The following GABRB2 variants were observed in gnomAD, a reference collection of about 807,000 sequenced individuals.
GABRB2 encodes the protein gamma-aminobutyric acid type A receptor subunit beta2.
Under a neutral mutation model 54.7 loss-of-function variants are expected in GABRB2, and 16 were observed. The observed-to-expected ratio is 0.29, with a 90% CI of 0.20 to 0.44. The LOEUF (loss-of-function observed/expected upper bound fraction) is 0.44, where lower values mean the gene tolerates loss of function less well. Ranked by LOEUF, GABRB2 falls within the 20% of genes least tolerant of loss-of-function variation. GABRB2 has a pLI of 1.00. For synonymous variants in GABRB2, 244 were observed against 233.8 expected (o/e 1.04, Z -0.40); for missense variants, 355 against 644.0 (o/e 0.55, Z 4.86).
rs116107763 is a variant in GABRB2 at position 161,431,979 on chromosome 5, G to C, written c.459-20922C>G. Among the ~76,000 whole-genome samples the C allele has an allele frequency of 5.9e-3, 904 of 152,302 alleles. 10 individuals are homozygous for C. The highest frequency in any genetic ancestry group is 0.02 in the African/African-American group (852 of 41,564). Reference sequence around the variant, plus strand: ...GGCCATGTGCAACAAGTTATATAGAGCAGAGTTATACACAGAATAGTTATA... The same window carrying C: ...GGCCATGTGCAACAAGTTATATAGACCAGAGTTATACACAGAATAGTTATA... On this transcript the variant is annotated intron_variant, in intron 4 of 9. Coordinates refer to ENST00000393959, the MANE Select transcript of GABRB2 (RefSeq NM_001371727.1).
At chr5:161,296,991 T>C (rs253041) in intron 9 of GABRB2, among the ~76,000 whole-genome samples, 14,462 of 152,242 alleles carry the variant, frequency 0.095, 917 homozygotes, top group Non-Finnish European at 0.14. Context: ...TGACATGCCA[T>C]AGATGAAGTT....
At chr5:161,506,962 G>A (rs71611092) in intron 3 of GABRB2, among the ~76,000 whole-genome samples, 2,414 of 152,218 alleles carry the variant, frequency 0.016, 29 homozygotes, top group East Asian at 0.024. Flanking sequence ...ACAGGAGAAC[G>A]TCTCCAGAAC....
intron 3 of GABRB2, among the ~76,000 whole-genome samples, chr5:161,506,531 G>A (rs1013964205): frequency 2.6e-5 from 4 of 152,086 alleles, no homozygotes; most frequent in African/African-American, 4.8e-5. Flanking sequence ...TGTTGTTTTT[G>A]TAAATTACAT....
chr5:161,369,863 A>T (rs1241695892), intron 5 of GABRB2, among the ~76,000 whole-genome samples: 1 of 152,142 alleles, frequency 6.6e-6, no homozygotes, highest in African/African-American at 2.4e-5. Context: ...TGTGCATCTA[A>T]CTTGTGAAGG....
At chr5:161,457,759 A>C (rs1341141375) in intron 4 of GABRB2, among the ~76,000 whole-genome samples, 1 of 151,900 alleles carries the variant, frequency 6.6e-6, no homozygotes, top group African/African-American at 2.4e-5. Flanking sequence ...TTTTCCTCTC[A>C]ATTCTAAAGG....
At chr5:161,499,295 G>C (rs1340950396) in intron 3 of GABRB2, among the ~76,000 whole-genome samples, 1 of 152,032 alleles carries the variant, frequency 6.6e-6, no homozygotes, top group Non-Finnish European at 1.5e-5. Context: ...ACTTATTGTG[G>C]CTCAAATTAT....
At chr5:161,537,436 C>T (rs1307693806) in intron 3 of GABRB2, among the ~76,000 whole-genome samples, 1 of 152,166 alleles carries the variant, frequency 6.6e-6, no homozygotes, top group Non-Finnish European at 1.5e-5. Flanking sequence ...AAAGTGAACT[C>T]ACTATCTGCC....
intron 5 of GABRB2, among the ~76,000 whole-genome samples, chr5:161,376,303 G>A (rs953751053): frequency 8.5e-5 from 13 of 152,078 alleles, no homozygotes; most frequent in African/African-American, 3.1e-4. Flanking sequence ...GAGCAATGGA[G>A]CTGACTTTCT....
At chr5:161,493,256 T>C (rs1759132494) in intron 3 of GABRB2, among the ~76,000 whole-genome samples, 1 of 151,780 alleles carries the variant, frequency 6.6e-6, no homozygotes, top group South Asian at 2.1e-4. Context: ...TCACAATGCC[T>C]CTTCTCATTT....
chr5:161,528,759 A>T (rs1415543473), intron 3 of GABRB2, among the ~76,000 whole-genome samples: 1 of 151,906 alleles, frequency 6.6e-6, no homozygotes, highest in Non-Finnish European at 1.5e-5. Context: ...TTTTGTTATT[A>T]ATTTTTATTA....
chr5:161,405,145 C>A (rs1756310682), intron 5 of GABRB2, among the ~76,000 whole-genome samples: 1 of 152,010 alleles, frequency 6.6e-6, no homozygotes, highest in Non-Finnish European at 1.5e-5. Context: ...AAATAGCTAT[C>A]CTGTTCAACC....
At chr5:161,297,951 CCTGA>C (rs1304278245) in intron 9 of GABRB2, among the ~76,000 whole-genome samples, 1 of 152,124 alleles carries the variant, frequency 6.6e-6, no homozygotes, top group Non-Finnish European at 1.5e-5. Flanking sequence ...TCTGTTGTTT[CCTGA>C]CTTTTTAATG....
At chr5:161,317,926 T>C (rs1227018842) in intron 9 of GABRB2, among the ~76,000 whole-genome samples, 3 of 151,984 alleles carry the variant, frequency 2.0e-5, no homozygotes, top group African/African-American at 4.8e-5. Context: ...TTATACCCAT[T>C]ATAAACTGCA....
intron 3 of GABRB2, among the ~76,000 whole-genome samples, chr5:161,471,398 T>A (rs900252430): frequency 3.3e-5 from 5 of 151,944 alleles, no homozygotes; most frequent in African/African-American, 1.2e-4. Context: ...TCCCCCTTAA[T>A]AGAAGGCATC....
At chr5:161,403,471 T>G (rs1200907854) in intron 5 of GABRB2, among the ~76,000 whole-genome samples, 1 of 152,104 alleles carries the variant, frequency 6.6e-6, no homozygotes, top group Non-Finnish European at 1.5e-5. Context: ...TAAAAACCCA[T>G]ATGAGAGACT....
At chr5:161,508,175 C>T (rs1250657133) in intron 3 of GABRB2, among the ~76,000 whole-genome samples, 3 of 151,256 alleles carry the variant, frequency 2.0e-5, no homozygotes, top group South Asian at 4.2e-4. Flanking sequence ...TAGATATAAA[C>T]CTATTTATGC....
chr5:161,463,756 T>C (rs1215951338), intron 3 of GABRB2, among the ~76,000 whole-genome samples: 1 of 149,600 alleles, frequency 6.7e-6, no homozygotes, highest in African/African-American at 2.5e-5. Context: ...AACAGAAGAG[T>C]CTAAAAGTAA....
intron 9 of GABRB2, among the ~76,000 whole-genome samples, chr5:161,304,129 G>T (rs1355908988): frequency 1.3e-5 from 2 of 152,202 alleles, no homozygotes; most frequent in Non-Finnish European, 2.9e-5. Context: ...TGAAGCAGGT[G>T]TAGTGGAGAT....
At chr5:161,387,032 C>T (rs930584340) in intron 5 of GABRB2, among the ~76,000 whole-genome samples, 5 of 151,116 alleles carry the variant, frequency 3.3e-5, no homozygotes, top group East Asian at 2.0e-4. Context: ...CTCTGGGGAA[C>T]GGGGGGGAGG....
Sources: gnomAD v4.1 joint callset for allele counts (sites outside exome capture counted in the v4.1 genomes callset) on GRCh38, gnomAD v4.1.1 for gene constraint, MANE v1.5 for transcripts, NCBI Gene and HGNC (gene_info 2026-07-23, HGNC 2026-07-21) for gene names.